The following GRIK1 variants were observed in gnomAD, a reference collection of about 807,000 sequenced individuals.
GRIK1 encodes the protein glutamate ionotropic receptor kainate type subunit 1, also known as glutamate receptor ionotropic, kainate 1.
A neutral mutation model predicts 105.7 loss-of-function variants in GRIK1; 69 were observed. The ratio of observed to expected loss-of-function variants is 0.65; its 90% CI spans 0.54 to 0.80. The LOEUF (loss-of-function observed/expected upper bound fraction) is 0.80, where lower values mean the gene tolerates loss of function less well. GRIK1 is among the 30% of genes least tolerant of loss of function. The pLI, the probability that GRIK1 is intolerant of heterozygous loss-of-function variation, is 0.00. For synonymous variants in GRIK1, 438 were observed against 431.3 expected, an observed-to-expected ratio of 1.02 and a Z score of -0.19; for missense variants, 1,109 against 1,167.3, an observed-to-expected ratio of 0.95 and a Z score of 0.73.
chr21:29,661,020 T>A (rs986744265), intron 4 of GRIK1, among the ~76,000 whole-genome samples: 2 of 151,766 alleles, frequency 1.3e-5, no homozygotes, highest in African/African-American at 2.4e-5. Flanking sequence ...TTAGGCTGCA[T>A]CTATACTATC....
chr21:29,925,893 T>C (rs1389604614), intron 1 of GRIK1, among the ~76,000 whole-genome samples: 1 of 152,322 alleles, frequency 6.6e-6, no homozygotes, highest in East Asian at 1.9e-4. Flanking sequence ...AACCAAAGTA[T>C]AACACTCACT....
chr21:29,888,195 T>TTCTCTC (rs780446480), intron 1 of GRIK1, among the ~76,000 whole-genome samples: 25 of 22,196 alleles, frequency 1.1e-3, no homozygotes, highest in South Asian at 2.6e-3. Flanking sequence ...CTTTCTTTCT[T>TTCTCTC]TCTCTCTCTC....
intron 7 of GRIK1, among the ~76,000 whole-genome samples, chr21:29,624,274 C>T (rs984881234): frequency 6.6e-6 from 1 of 151,998 alleles, no homozygotes; most frequent in Admixed American, 6.5e-5. Flanking sequence ...TTGATTAGAA[C>T]CTTTTTTGGG....
intron 7 of GRIK1, among the ~76,000 whole-genome samples, chr21:29,600,610 G>A (rs1036852982): frequency 1.3e-5 from 2 of 152,150 alleles, no homozygotes; most frequent in Admixed American, 6.5e-5. Context: ...GCAGTTATTT[G>A]CGCCACGTAT....
intron 1 of GRIK1, among the ~76,000 whole-genome samples, chr21:29,818,926 A>G (rs1224105349): frequency 6.6e-6 from 1 of 152,108 alleles, no homozygotes; most frequent in Admixed American, 6.6e-5. Flanking sequence ...AGCCTGGCAT[A>G]GCAGGGATGT....
chr21:29,619,837 C>T (rs1330711017), intron 7 of GRIK1, among the ~76,000 whole-genome samples: 1 of 152,158 alleles, frequency 6.6e-6, no homozygotes, highest in Non-Finnish European at 1.5e-5. Flanking sequence ...TCTACCTGCA[C>T]CTTTACCAGG....
chr21:29,724,148 T>C (rs1181539694), intron 1 of GRIK1, among the ~76,000 whole-genome samples: 6 of 152,212 alleles, frequency 3.9e-5, no homozygotes, highest in African/African-American at 9.6e-5. Context: ...AACTACAAAA[T>C]CGATCCTCGT....
intron 1 of GRIK1, among the ~76,000 whole-genome samples, chr21:29,753,733 T>C (rs1196881728): frequency 6.6e-6 from 1 of 152,236 alleles, no homozygotes; most frequent in Non-Finnish European, 1.5e-5. Context: ...AAGCAGTCTT[T>C]GATTTCATGT....
intron 1 of GRIK1, among the ~76,000 whole-genome samples, chr21:29,843,711 C>T (rs1202781146): frequency 6.6e-6 from 1 of 152,276 alleles, no homozygotes; most frequent in Non-Finnish European, 1.5e-5. Flanking sequence ...AAGATAGATG[C>T]ATTTTAACTT....
intron 1 of GRIK1, among the ~76,000 whole-genome samples, chr21:29,784,507 G>T (rs1419421863): frequency 6.6e-6 from 1 of 150,778 alleles, no homozygotes; most frequent in African/African-American, 2.4e-5. Flanking sequence ...CTTTGTCTAG[G>T]TTTTTTTTTA....
intron 1 of GRIK1, among the ~76,000 whole-genome samples, chr21:29,862,227 A>G (rs1035191089): frequency 2.0e-5 from 3 of 152,052 alleles, no homozygotes; most frequent in African/African-American, 7.2e-5. Flanking sequence ...GCCTCAAGCA[A>G]CCCTCTTGCC....
At chr21:29,612,038 G>T (rs2061740801) in intron 7 of GRIK1, among the ~76,000 whole-genome samples, 1 of 152,124 alleles carries the variant, frequency 6.6e-6, no homozygotes, top group African/African-American at 2.4e-5. Flanking sequence ...AGCTTCTCCT[G>T]CAAGTCAATG....
Position 29,596,567 on chromosome 21 carries a change from C to T in GRIK1, c.1210G>A (p.Ala404Thr), listed in dbSNP as rs760361593. 16 of 1,607,780 alleles carry T rather than the reference C, an allele frequency of 1.0e-5. No individual in the cohort carries two copies. The highest frequency in any genetic ancestry group is 1.1e-5 in the Non-Finnish European group (13 of 1,174,408). ...TACAAGTGTTTAGACACTTCGCCAG[C>T]AGCCTTGGTTTTCAGAGAGAAAAAT... ...SLKEEGTEKA[A>T]GEVSKHLYKV... is the part of the protein sequence containing the mutation. Residue 404 changes from alanine to threonine, a missense_variant, in exon 9 of 18, where the codon GCT becomes ACT. This residue lies in a region of GRIK1 where 612 missense variants were observed against 586.0 expected (regional missense o/e 1.04). Coordinates refer to ENST00000327783, the MANE Select transcript of GRIK1 (RefSeq NM_001330994.2).
chr21:29,871,952 G>C (rs2069027929), intron 1 of GRIK1, among the ~76,000 whole-genome samples: 1 of 145,858 alleles, frequency 6.9e-6, no homozygotes, highest in Non-Finnish European at 1.6e-5. Flanking sequence ...TTTGTAGAGA[G>C]TGGGTTTCGC....
At chr21:29,547,723 A>G (rs570325354) in intron 16 of GRIK1, among the ~76,000 whole-genome samples, 15 of 152,362 alleles carry the variant, frequency 9.8e-5, no homozygotes, top group African/African-American at 3.6e-4. Flanking sequence ...GGCTTTTCTA[A>G]TAATTAATGA....
intron 1 of GRIK1, among the ~76,000 whole-genome samples, chr21:29,925,315 C>T (rs1050123183): frequency 1.3e-5 from 2 of 152,250 alleles, no homozygotes; most frequent in African/African-American, 4.8e-5. Context: ...TCAATTCAGC[C>T]GCAGATACAA....
chr21:29,868,655 G>T (rs1371788266), intron 1 of GRIK1, among the ~76,000 whole-genome samples: 1 of 152,026 alleles, frequency 6.6e-6, no homozygotes, highest in South Asian at 2.1e-4. Flanking sequence ...TCTCTTTCCT[G>T]CCTGGTCCTC....
chr21:29,884,409 G>A (rs2069532237), intron 1 of GRIK1, among the ~76,000 whole-genome samples: 2 of 151,966 alleles, frequency 1.3e-5, no homozygotes, highest in South Asian at 4.1e-4. Flanking sequence ...GGAAGAACAG[G>A]TTGGTTGTAT....
At chr21:29,643,914 ACACACACACACACATGCACAGC>A (rs1460238342) in intron 6 of GRIK1, among the ~76,000 whole-genome samples, 2 of 151,956 alleles carry the variant, frequency 1.3e-5, no homozygotes, top group African/African-American at 4.8e-5. Flanking sequence ...ACACATGCAC[ACACACACACACACATGCACAGC>A]CACACACACA....
Sources: gnomAD v4.1 joint callset for allele counts (sites outside exome capture counted in the v4.1 genomes callset) on GRCh38, gnomAD v4.1.1 for gene constraint, gnomAD v4.1.1 regional missense constraint, MANE v1.5 for transcripts, NCBI Gene and HGNC (gene_info 2026-07-23, HGNC 2026-07-21) for gene names.